Variants in SNTG1 observed in about 807,000 individuals in gnomAD.
SNTG1 encodes syntrophin gamma 1, also known as gamma-1-syntrophin.
Under a neutral mutation model 74.7 loss-of-function variants are expected in SNTG1, and 39 were observed. The ratio of observed to expected loss-of-function variants is 0.52; its 90% CI spans 0.40 to 0.68. SNTG1 has a LOEUF of 0.68. SNTG1 is among the 30% of genes least tolerant of loss of function. The pLI is 0.00. For missense variants in SNTG1, 685 were observed against 609.5 expected (o/e 1.12, Z -1.30); for synonymous variants, 254 against 217.1 (o/e 1.17, Z -1.49).
chr8:50,330,879 G>C (rs1006281864), intron 2 of SNTG1, among the ~76,000 whole-genome samples: 1 of 152,074 alleles, frequency 6.6e-6, no homozygotes, highest in Admixed American at 6.5e-5. Context: ...AGGAAAAACT[G>C]CCTCCATGAT....
chr8:50,397,827 G>T (rs551119514), intron 3 of SNTG1, among the ~76,000 whole-genome samples: 9 of 152,270 alleles, frequency 5.9e-5, no homozygotes, highest in African/African-American at 2.2e-4. Context: ...TTGAATTCTA[G>T]CCTTTTCTTC....
intron 15 of SNTG1, among the ~76,000 whole-genome samples, chr8:50,690,049 G>A (rs1304004298): frequency 6.6e-6 from 1 of 152,198 alleles, no homozygotes; most frequent in Admixed American, 6.5e-5. Context: ...GATGTTTGTA[G>A]TATTCTCTGA....
chr8:50,040,170 T>C (rs1225701497), intron 1 of SNTG1, among the ~76,000 whole-genome samples: 2 of 152,164 alleles, frequency 1.3e-5, no homozygotes, highest in Admixed American at 6.5e-5. Flanking sequence ...GCTCTGGCGG[T>C]CGCTGGTTGT....
chr8:50,510,387 G>C (rs113876793), intron 9 of SNTG1, among the ~76,000 whole-genome samples: 11 of 151,978 alleles, frequency 7.2e-5, no homozygotes, highest in Non-Finnish European at 1.5e-4. Flanking sequence ...TTTTTTTGTC[G>C]TGTCTCTGCC....
chr8:50,366,927 A>G (rs2092131571), intron 2 of SNTG1, among the ~76,000 whole-genome samples: 1 of 148,058 alleles, frequency 6.8e-6, no homozygotes, highest in African/African-American at 2.5e-5. Context: ...GGTCTATACT[A>G]TATAATATAT....
At position 50,739,908 on chromosome 8, in the gene SNTG1, T is replaced by C. The variant is rs569171277; in HGVS notation, c.1285-12093T>C. Reference sequence around the variant, plus strand: ...CCCTATTCAATTAATGATGCTGAGATAACTGGCTGGCCAGTTGCAGAAGAA... The same window carrying C: ...CCCTATTCAATTAATGATGCTGAGACAACTGGCTGGCCAGTTGCAGAAGAA... On this transcript the variant is annotated intron_variant, in intron 17 of 18. Transcript: ENST00000642720. Among the ~76,000 whole-genome samples, 449 of 152,156 alleles carry C rather than the reference T, an allele frequency of 3.0e-3. 3 individuals carry two copies. The highest frequency in any genetic ancestry group is 0.01 in the African/African-American group (434 of 41,556).
intron 2 of SNTG1, among the ~76,000 whole-genome samples, chr8:50,260,880 T>C (rs1338571682): frequency 6.6e-6 from 1 of 152,144 alleles, no homozygotes; most frequent in Non-Finnish European, 1.5e-5. Context: ...TGAAAGTTTT[T>C]CTGTAGAAAC....
Position 50,356,566 on chromosome 8 carries a change from CG to C in SNTG1, c.-27-37644del, listed in dbSNP as rs1186907033. ...TCTGGGAAGCCCAAGATCAAGATGC[CG>C]GCATCCGCTGTCTGGTAAGGAAGGG... On this transcript the variant is annotated intron_variant, in intron 2 of 18. Coordinates refer to ENST00000642720, the MANE Select transcript of SNTG1 (RefSeq NM_018967.5). 2.6e-5 allele frequency among the ~76,000 whole-genome samples: 4 copies of C among 152,122 alleles called. 1 individual carries two copies. Among genetic ancestry groups the C allele is most frequent in the African/African-American group, 9.7e-5 (4 of 41,428 alleles).
At chr8:50,443,320 C>G (rs199522804) in intron 5 of SNTG1, among the ~76,000 whole-genome samples, 1 of 152,054 alleles carries the variant, frequency 6.6e-6, no homozygotes, top group African/African-American at 2.4e-5. Context: ...AATGTTATTA[C>G]TATAAATATA....
At chr8:50,639,473 T>C in intron 13 of SNTG1, among the ~76,000 whole-genome samples, 1 of 151,972 alleles carries the variant, frequency 6.6e-6, no homozygotes, top group Admixed American at 6.6e-5. Context: ...GCAGTATAAA[T>C]TAAAAAGAAC....
chr8:50,752,001 G>T lies in SNTG1; in HGVS notation c.1285G>T (p.Ala429Ser). ...GFICFDAATK[A>S]VLWRYKFSQL... Reference sequence around the variant, plus strand: ...ACATTGTTTTTTTTCCCCCCTTTAGGCTGTCCTTTGGAGGTATAAATTCTC... The same window carrying T: ...ACATTGTTTTTTTTCCCCCCTTTAGTCTGTCCTTTGGAGGTATAAATTCTC... Residue 429 changes from alanine to serine, a missense_variant and splice_region_variant, in exon 18 of 19, where the codon GCT becomes TCT. Ala to Ser is a moderately conservative substitution (Grantham distance 99, BLOSUM62 1). Transcript: ENST00000642720. 4 of 1,540,614 alleles carry T rather than the reference G, an allele frequency of 2.6e-6. No individual in the cohort carries two copies. Among genetic ancestry groups the T allele is most frequent in the Non-Finnish European group, 3.5e-6 (4 of 1,150,508 alleles).
chr8:49,932,151 T>C (rs1042457292), intron 1 of SNTG1, among the ~76,000 whole-genome samples: 1 of 152,192 alleles, frequency 6.6e-6, no homozygotes. Context: ...CACAGATCAC[T>C]AAAACAGGTC....
chr8:50,105,619 T>G (rs1385767404), intron 1 of SNTG1, among the ~76,000 whole-genome samples: 1 of 152,130 alleles, frequency 6.6e-6, no homozygotes, highest in Non-Finnish European at 1.5e-5. Flanking sequence ...GTAAATTGCT[T>G]TGTGCAGTAT....
At chr8:50,343,681 A>G (rs1021177411) in intron 2 of SNTG1, among the ~76,000 whole-genome samples, 4 of 152,222 alleles carry the variant, frequency 2.6e-5, no homozygotes, top group African/African-American at 9.6e-5. Context: ...TGCATCAGAA[A>G]TTACATTAAT....
chr8:50,070,645 A>C (rs555307859), intron 1 of SNTG1, among the ~76,000 whole-genome samples: 3 of 152,364 alleles, frequency 2.0e-5, no homozygotes, highest in Non-Finnish European at 4.4e-5. Flanking sequence ...AAACAAAAAG[A>C]AATGATTTCA....
Position 50,159,694 on chromosome 8 carries a change from C to T in SNTG1, c.-102-12867C>T, listed in dbSNP as rs749840798. Among the ~76,000 whole-genome samples the T allele has an allele frequency of 2.4e-4, 36 of 152,068 alleles. 1 individual carries two copies. Among genetic ancestry groups the T allele is most frequent in the African/African-American group, 6.8e-4 (28 of 41,410 alleles). On this transcript the variant is annotated intron_variant, in intron 1 of 18. Transcript: ENST00000642720. The stretch of plus-strand genomic sequence containing the variant: ...AGCTTCAATGAAACTAAAAGCCATA[C>T]GTGTGTACTTGAGTATTTGACTCTC...
At chr8:50,315,802 A>T (rs1053496145) in intron 2 of SNTG1, among the ~76,000 whole-genome samples, 2 of 152,146 alleles carry the variant, frequency 1.3e-5, no homozygotes, top group African/African-American at 4.8e-5. Flanking sequence ...TGTTATTCCC[A>T]CCATGAACAC....
At chr8:50,484,709 AT>A (rs1221949784) in intron 8 of SNTG1, among the ~76,000 whole-genome samples, 1 of 151,682 alleles carries the variant, frequency 6.6e-6, no homozygotes. Context: ...AAAATACAAA[AT>A]TAGCCACACG....
chr8:50,262,634 C>T (rs1019311537), intron 2 of SNTG1, among the ~76,000 whole-genome samples: 1 of 152,122 alleles, frequency 6.6e-6, no homozygotes, highest in African/African-American at 2.4e-5. Flanking sequence ...TGGTCTCGAT[C>T]TCCTGACTTT....
Sources: allele counts gnomAD v4.1 joint callset (sites outside exome capture counted in the v4.1 genomes callset), GRCh38; gene constraint gnomAD v4.1.1; transcripts MANE v1.5; gene names NCBI Gene and HGNC (gene_info 2026-07-23, HGNC 2026-07-21).